Variants in SDK1 observed in about 807,000 individuals in gnomAD.
SDK1 encodes sidekick cell adhesion molecule 1.
A neutral mutation model predicts 245.5 loss-of-function variants in SDK1; 157 were observed. That is an observed-to-expected ratio of 0.64 (90% CI 0.56 to 0.73). The LOEUF (loss-of-function observed/expected upper bound fraction) is 0.73, where lower values mean the gene tolerates loss of function less well. Among genes scored for constraint, SDK1 ranks in the 30% least tolerant of loss-of-function variants. SDK1 has a pLI of 0.00. For missense variants in SDK1, 3,583 were observed against 3,002.3 expected (o/e 1.19, Z -4.52); for synonymous variants, 1,647 against 1,278.5 (o/e 1.29, Z -6.15).
intron 1 of SDK1, among the ~76,000 whole-genome samples, chr7:3,561,587 T>C (rs1779753897): frequency 6.6e-6 from 1 of 152,218 alleles, no homozygotes; most frequent in Non-Finnish European, 1.5e-5. Context: ...GTGTGATTCC[T>C]GGCACATGGT....
chr7:3,802,598 C>G (rs77664886), intron 4 of SDK1, among the ~76,000 whole-genome samples: 3,082 of 152,008 alleles, frequency 0.02, 114 homozygotes, highest in African/African-American at 0.07. Flanking sequence ...CTTGTGCTGC[C>G]CTGTAATTGT....
At chr7:3,731,692 A>G (rs1048228161) in intron 4 of SDK1, among the ~76,000 whole-genome samples, 2 of 152,238 alleles carry the variant, frequency 1.3e-5, no homozygotes, top group African/African-American at 2.4e-5. Flanking sequence ...CCATATTCCA[A>G]TACAGCATGT....
intron 4 of SDK1, among the ~76,000 whole-genome samples, chr7:3,709,523 C>T (rs952910021): frequency 1.3e-5 from 2 of 152,216 alleles, no homozygotes; most frequent in African/African-American, 4.8e-5. Context: ...TCACCTGGCT[C>T]ATGGTGTAGG....
chr7:4,193,834 T>C (rs1408609717), intron 35 of SDK1, among the ~76,000 whole-genome samples: 2 of 152,176 alleles, frequency 1.3e-5, no homozygotes, highest in African/African-American at 2.4e-5. Flanking sequence ...ACTTTGTGCA[T>C]TGAACTTAGG....
At chr7:3,605,139 A>AG (rs1009503491) in intron 1 of SDK1, among the ~76,000 whole-genome samples, 1 of 71,290 alleles carries the variant, frequency 1.4e-5, no homozygotes, top group East Asian at 5.3e-4. Flanking sequence ...GAAAAAAAAA[A>AG]CAAGAAACAC....
chr7:3,559,575 C>G (rs1197376601), intron 1 of SDK1, among the ~76,000 whole-genome samples: 1 of 152,106 alleles, frequency 6.6e-6, no homozygotes, highest in Non-Finnish European at 1.5e-5. Flanking sequence ...ACGCTCTTTT[C>G]TGATTCACCA....
intron 28 of SDK1, among the ~76,000 whole-genome samples, chr7:4,138,545 G>A (rs984681613): frequency 6.6e-6 from 1 of 152,018 alleles, no homozygotes; most frequent in African/African-American, 2.4e-5. Context: ...TCAGGAGTTC[G>A]AGACCAGCCT....
chr7:3,842,740 T>C (rs11982305), intron 5 of SDK1, among the ~76,000 whole-genome samples: 13,390 of 152,152 alleles, frequency 0.088, 1,944 homozygotes, highest in African/African-American at 0.3. Context: ...GGGAGGGTTG[T>C]GCTCCTTTTC....
intron 34 of SDK1, among the ~76,000 whole-genome samples, chr7:4,177,150 G>A (rs999482834): frequency 1.3e-5 from 2 of 152,214 alleles, no homozygotes; most frequent in Non-Finnish European, 2.9e-5. Context: ...AGCATGGGTG[G>A]ACCCTGTAAG....
chr7:4,180,039 A>C (rs1448858909), intron 35 of SDK1, among the ~76,000 whole-genome samples: 2 of 152,098 alleles, frequency 1.3e-5, no homozygotes, highest in African/African-American at 4.8e-5. Context: ...AGACCGAGGC[A>C]GACGTCCAGA....
intron 1 of SDK1, among the ~76,000 whole-genome samples, chr7:3,364,706 C>T (rs1781043937): frequency 6.6e-6 from 1 of 152,124 alleles, no homozygotes; most frequent in South Asian, 2.1e-4. Flanking sequence ...AAATCAGGTA[C>T]ACTGATGATT....
At chr7:4,227,962 C>A (rs191168906) in intron 40 of SDK1, among the ~76,000 whole-genome samples, 20 of 152,276 alleles carry the variant, frequency 1.3e-4, no homozygotes, top group Non-Finnish European at 2.6e-4. Context: ...GATAGCAGAA[C>A]CTATTTATAC....
At chr7:3,559,933 A>G (rs1223513758) in intron 1 of SDK1, among the ~76,000 whole-genome samples, 1 of 152,186 alleles carries the variant, frequency 6.6e-6, no homozygotes, top group Non-Finnish European at 1.5e-5. Context: ...TGTTGAATAA[A>G]CTTAAAAAGT....
At chr7:3,360,015 C>T (rs1386824959) in intron 1 of SDK1, among the ~76,000 whole-genome samples, 1 of 152,154 alleles carries the variant, frequency 6.6e-6, no homozygotes, top group African/African-American at 2.4e-5. Flanking sequence ...CTTTGTTTTG[C>T]TTCTGGTTCT....
rs553831503 is a variant in SDK1, at chr7:3,968,688, C to G, written c.1547-569C>G. 2.4e-4 allele frequency among the ~76,000 whole-genome samples: 36 copies of G among 152,334 alleles called. 1 individual carries two copies. The highest frequency in any genetic ancestry group is 4.6e-4 in the Non-Finnish European group (31 of 68,034). ...GATCATAATTTGTTTAACCAAATCT[C>G]TAAATATTGAGCAAGTAGGATGTTC... is the stretch of plus-strand genomic sequence containing the variant. On this transcript the variant is annotated intron_variant, in intron 10 of 44. Transcript: ENST00000404826.
intron 35 of SDK1, among the ~76,000 whole-genome samples, chr7:4,201,589 G>A (rs947596302): frequency 1.3e-5 from 2 of 152,204 alleles, no homozygotes; most frequent in Non-Finnish European, 2.9e-5. Context: ...TAGAAATCTG[G>A]CATGGTCTAT....
chr7:4,197,654 C>A (rs6974868), intron 35 of SDK1, among the ~76,000 whole-genome samples: 24,158 of 152,218 alleles, frequency 0.16, 2,084 homozygotes, highest in Non-Finnish European at 0.18. Context: ...GTGCTGGCGT[C>A]AGGCTCACTG....
At chr7:3,553,200 A>G (rs1779471233) in intron 1 of SDK1, among the ~76,000 whole-genome samples, 2 of 152,178 alleles carry the variant, frequency 1.3e-5, no homozygotes, top group Admixed American at 6.5e-5. Context: ...CATAGCAGGC[A>G]GTGATCTAAG....
intron 4 of SDK1, among the ~76,000 whole-genome samples, chr7:3,719,443 G>C (rs1785299790): frequency 6.6e-6 from 1 of 152,094 alleles, no homozygotes; most frequent in Admixed American, 6.5e-5. Flanking sequence ...CAAAGGAAAA[G>C]AGACATAGGT....
Sources: gnomAD v4.1 joint callset for allele counts (sites outside exome capture counted in the v4.1 genomes callset) on GRCh38, gnomAD v4.1.1 for gene constraint, MANE v1.5 for transcripts, NCBI Gene and HGNC (gene_info 2026-07-23, HGNC 2026-07-21) for gene names.